The following USP44 variants were observed in gnomAD, a reference collection of about 807,000 sequenced individuals.
The protein encoded by USP44 is ubiquitin carboxyl-terminal hydrolase 44.
USP44 carries 61 observed loss-of-function variants against 69.0 expected under a neutral mutation model. The ratio of observed to expected loss-of-function variants is 0.88; its 90% confidence interval spans 0.72 to 1.09. The LOEUF is 1.09. USP44 is among the 50% of genes least tolerant of loss of function. USP44 has a pLI of 0.00. For synonymous variants in USP44, 297 were observed against 295.4 expected (o/e 1.01, Z -0.06); for missense variants, 753 against 849.9 (o/e 0.89, Z 1.42).
chr12:95,547,581 C>T lies in USP44; in HGVS notation c.-71+3691G>A, dbSNP rs191632198. On this transcript the variant is annotated intron_variant, in intron 1 of 5. Transcript: ENST00000258499. ...TTCCGCATTTCACCACAGTGAACAG[C>T]CCATTCTTTTTCCTTGTTTACACCA... 6.3e-3 allele frequency among the ~76,000 whole-genome samples: 967 copies of T among 152,346 alleles called. 5 individuals are homozygous for T. The highest frequency in any genetic ancestry group is 0.022 in the African/African-American group (904 of 41,566).
rs71644413 is a variant in USP44 at position 95,538,545 on chromosome 12, G to GC, written c.-70-4220_-70-4219insG. ...CCCAGGGGAATTTGCATTTTAAAAG[G>GC]GGGGGGTCTCTCAAAGATAAAATCT... On this transcript the variant is annotated intron_variant, in intron 1 of 5. Transcript: ENST00000258499. Among the ~76,000 whole-genome samples the GC allele has an allele frequency of 2.1e-3, 320 of 150,118 alleles. 1 individual carries two copies. The highest frequency in any genetic ancestry group is 7.7e-3 in the African/African-American group (307 of 39,944).
chr12:95,546,112 T>G (rs1291550587), intron 1 of USP44, among the ~76,000 whole-genome samples: 2 of 152,148 alleles, frequency 1.3e-5, no homozygotes, highest in Non-Finnish European at 2.9e-5. Flanking sequence ...GTAATTTTGT[T>G]CCAAAACATT....
intron 1 of USP44, among the ~76,000 whole-genome samples, chr12:95,542,033 A>C (rs1425649540): frequency 6.6e-6 from 1 of 152,006 alleles, no homozygotes; most frequent in Non-Finnish European, 1.5e-5. Flanking sequence ...GGCGTGTGAC[A>C]CCATGCCTGG....
At position 95,518,219 on chromosome 12, in the gene USP44, G is replaced by C; in HGVS notation, c.2074C>G (p.Leu692Val). 6 of 1,614,186 alleles carry C rather than the reference G, an allele frequency of 3.7e-6. No individual in the cohort carries two copies. Among genetic ancestry groups the C allele is most frequent in the Non-Finnish European group, 5.1e-6 (6 of 1,180,042 alleles). The change falls in exon 6 of 6, where the codon CTC (leucine) becomes GTC (valine). Residue 692 changes from leucine to valine, a missense_variant. Physicochemically the swap from Leu to Val is conservative, Grantham distance 32. Coordinates refer to ENST00000258499, the MANE Select transcript of USP44 (RefSeq NM_032147.5). ...NGHSKLLPPE[L>V]LLGSQHPNED... ...TTGGGATGTTGGCTCCCCAACAGGA[G>C]CTCTGGAGGCAAAAGTTTAGAATGT...
At chr12:95,521,796 G>A (rs928358429) in intron 4 of USP44, among the ~76,000 whole-genome samples, 4 of 151,964 alleles carry the variant, frequency 2.6e-5, no homozygotes, top group Non-Finnish European at 5.9e-5. Flanking sequence ...CCCACCGAAG[G>A]GTTTTTAATT....
chr12:95,529,362 C>T (rs2076950057), intron 2 of USP44, among the ~76,000 whole-genome samples: 1 of 151,554 alleles, frequency 6.6e-6, no homozygotes, highest in African/African-American at 2.4e-5. Context: ...ATATGATGTA[C>T]ATTCACATGC....
intron 3 of USP44, among the ~76,000 whole-genome samples, chr12:95,527,489 TTG>T (rs2076879733): frequency 1.3e-5 from 2 of 152,166 alleles, no homozygotes; most frequent in South Asian, 4.1e-4. Flanking sequence ...GTAGATGTTT[TTG>T]TGTGTTTTTT....
At position 95,533,080 on chromosome 12, in the gene USP44, ACATGACTTGGAACAAAGTATGCAATT is replaced by A. The variant is rs1380655302; in HGVS notation, c.1151_1176del (p.Glu384ValfsTer38). On this transcript the variant is annotated frameshift_variant, in exon 2 of 6. Coordinates refer to ENST00000258499, the MANE Select transcript of USP44 (RefSeq NM_032147.5). LOFTEE classifies it high-confidence loss of function. ...GAGACCAACGCCCACTTTCCAGACC[ACATGACTTGGAACAAAGTATGCAATT>A]CATGACAAAGAGAAATGTACTGTGA... 6.2e-7 allele frequency: 1 copy of A among 1,614,124 alleles called. No individual in the cohort carries two copies. Among genetic ancestry groups the A allele is most frequent in the African/African-American group, 1.3e-5 (1 of 74,942 alleles).
Position 95,548,484 on chromosome 12 carries a change from G to A in USP44, c.-71+2788C>T, listed in dbSNP as rs913383348. 6.6e-6 allele frequency: 1 copy of A among 152,262 alleles called. No individual in the cohort carries two copies. Among genetic ancestry groups the A allele is most frequent in the Non-Finnish European group, 1.5e-5 (1 of 68,156 alleles). 9.4% of individuals were successfully genotyped at this position (152,262 alleles called of 1,614,324 possible). A position where few individuals can be genotyped will look rare whatever the true frequency, so the allele number is the denominator to read the frequency against. On this transcript the variant is annotated intron_variant, in intron 1 of 5. Coordinates refer to ENST00000258499, the MANE Select transcript of USP44 (RefSeq NM_032147.5). This position sits in a 1 kb window ranked among gnomAD's most constrained non-coding sequence, Gnocchi z 4.1. The stretch of plus-strand genomic sequence containing the variant: ...TTGCCGCAGCATCTCCGGGCACTCT[G>A]AGGCTGCCGCCGGGACAGGGTCGGA...
Position 95,534,270 on chromosome 12 carries a change from C to G in USP44, c.-14G>C, listed in dbSNP as rs1311233312. The G allele has an allele frequency of 6.3e-7, 1 of 1,594,266 alleles. No individual in the cohort carries two copies. On this transcript the variant is annotated 5_prime_UTR_variant, in exon 2 of 6. Transcript: ENST00000258499. ...CATTGCTAGCATTTATTTAGTCTAGCTGAGAAATGCATAATCCAAACAAGT... is the reference window on the plus strand; with the variant it reads ...CATTGCTAGCATTTATTTAGTCTAGGTGAGAAATGCATAATCCAAACAAGT...
chr12:95,543,406 C>CAAAAAAAAAAAAAAAAAAA (rs60127958), intron 1 of USP44, among the ~76,000 whole-genome samples: 51 of 42,948 alleles, frequency 1.2e-3, no homozygotes, highest in Non-Finnish European at 1.9e-3. Flanking sequence ...GACTCTTTCT[C>CAAAAAAAAAAAAAAAAAAA]AAAAAAAAAA....
chr12:95,537,685 A>T (rs552970888), intron 1 of USP44, among the ~76,000 whole-genome samples: 1 of 152,320 alleles, frequency 6.6e-6, no homozygotes, highest in Non-Finnish European at 1.5e-5. Flanking sequence ...AGATCATTTC[A>T]TTCCAAAATT....
chr12:95,540,675 A>T (rs1315040807), intron 1 of USP44, among the ~76,000 whole-genome samples: 1 of 151,984 alleles, frequency 6.6e-6, no homozygotes, highest in Non-Finnish European at 1.5e-5. Flanking sequence ...CTGTATACTT[A>T]GGGTTATTGT....
At position 95,528,942 on chromosome 12, in the gene USP44, A is replaced by G. The variant is rs550452419; in HGVS notation, c.1489T>C (p.Leu497=). 3.8e-5 allele frequency: 61 copies of G among 1,613,938 alleles called. No homozygotes were observed. Among genetic ancestry groups the G allele is most frequent in the Non-Finnish European group, 4.6e-5 (54 of 1,180,004 alleles). Residue 497 remains leucine (L), a synonymous_variant, in exon 3 of 6, where the codon TTG becomes CTG. Coordinates refer to ENST00000258499, the MANE Select transcript of USP44 (RefSeq NM_032147.5). ...NTIEPFWDLS[L]EFPERYQCSG... ...CATTGATACCTTTCTGGAAACTCCA[A>G]TGACAAGTCCCAGAAAGGTTCTATG... is the stretch of plus-strand genomic sequence containing the variant.
At chr12:95,539,139 G>A (rs533698577) in intron 1 of USP44, among the ~76,000 whole-genome samples, 1 of 151,468 alleles carries the variant, frequency 6.6e-6, no homozygotes, top group East Asian at 1.9e-4. Flanking sequence ...TTTAAAAAAT[G>A]TTTCACACTC....
rs1310975167 is a variant in USP44 at position 95,548,896 on chromosome 12, C to T, written c.-71+2376G>A. On this transcript the variant is annotated intron_variant, in intron 1 of 5. Coordinates refer to ENST00000258499, the MANE Select transcript of USP44 (RefSeq NM_032147.5). This position sits in a 1 kb window ranked among gnomAD's most constrained non-coding sequence, Gnocchi z 4.1. ...GCGCAGCAGGCCCCGCCCCCTCCCA[C>T]AGCCCCACCCCTGCGCCGGCTCTTC... is the stretch of plus-strand genomic sequence containing the variant. 2.0e-5 allele frequency: 3 copies of T among 152,106 alleles called. No homozygotes were observed. Among genetic ancestry groups the T allele is most frequent in the Admixed American group, 2.0e-4 (3 of 15,274 alleles). The allele number at this position is 152,106 out of a possible 1,614,324, so 9.4% of individuals were successfully genotyped here. A position where few individuals can be genotyped will look rare whatever the true frequency, so the allele number is the denominator to read the frequency against.
chr12:95,531,884 A>T (rs2077032007), intron 2 of USP44, among the ~76,000 whole-genome samples: 1 of 152,242 alleles, frequency 6.6e-6, no homozygotes, highest in African/African-American at 2.4e-5. Context: ...GTCTATTAAC[A>T]GTTCACCAAT....
intron 2 of USP44, among the ~76,000 whole-genome samples, chr12:95,532,321 C>T (rs1215608052): frequency 6.6e-6 from 1 of 152,148 alleles, no homozygotes; most frequent in Non-Finnish European, 1.5e-5. Flanking sequence ...GCGTCTGCCA[C>T]CACACTCAGC....
At chr12:95,519,432 A>ACTTTTTTTTTTTTT (rs199606254) in intron 5 of USP44, among the ~76,000 whole-genome samples, 5 of 84,544 alleles carry the variant, frequency 5.9e-5, no homozygotes, top group Non-Finnish European at 4.3e-5. Context: ...CTCAATCTGT[A>ACTTTTTTTTTTTTT]TTTTTTTTTT....
Sources: allele counts gnomAD v4.1 joint callset (sites outside exome capture counted in the v4.1 genomes callset), GRCh38; gene constraint gnomAD v4.1.1; non-coding constraint Gnocchi (gnomAD v3.1); transcripts MANE v1.5; gene names NCBI Gene and HGNC (gene_info 2026-07-23, HGNC 2026-07-21).